LRRC36: variants seen among roughly 807,000 people sequenced by gnomAD.
LRRC36 encodes leucine-rich repeat-containing protein 36.
In LRRC36, 62 loss-of-function variants were observed where a neutral mutation model predicts 81.1. The observed-to-expected ratio is 0.76, with a 90% CI of 0.62 to 0.94. The LOEUF (loss-of-function observed/expected upper bound fraction) is 0.94. Ranked by LOEUF, LRRC36 falls within the 40% of genes least tolerant of loss-of-function variation. The pLI is 0.00. For missense variants in LRRC36, 761 were observed against 881.7 expected, an observed-to-expected ratio of 0.86 and a Z score of 1.73; for synonymous variants, 334 against 348.6, an observed-to-expected ratio of 0.96 and a Z score of 0.47.
chr16:67,334,336 A>G (rs1297180151), intron 1 of LRRC36, among the ~76,000 whole-genome samples: 2 of 115,248 alleles, frequency 1.7e-5, no homozygotes, highest in African/African-American at 6.8e-5. Flanking sequence ...ATTATTTTTT[A>G]TTTTTTGAGG....
At chr16:67,367,517 G>C (rs915905362) in intron 8 of LRRC36, 60 bp downstream of exon 8, 3 of 1,477,896 alleles carry the variant, frequency 2.0e-6, no homozygotes, top group Non-Finnish European at 2.7e-6. Context: ...GAAGATATAA[G>C]TGAAAATTTT....
At chr16:67,375,890 G>C (rs1482633572) in intron 10 of LRRC36, among the ~76,000 whole-genome samples, 1 of 152,162 alleles carries the variant, frequency 6.6e-6, no homozygotes, top group South Asian at 2.1e-4. Context: ...GGAGAAAACA[G>C]TTTTGCAAAT....
intron 1 of LRRC36, among the ~76,000 whole-genome samples, chr16:67,330,846 AAGACTG>A (rs1425425688): frequency 7.9e-5 from 12 of 151,936 alleles, no homozygotes; most frequent in Admixed American, 7.9e-4. Flanking sequence ...GCCTGGACGA[AAGACTG>A]AGACTCAGTC....
At chr16:67,352,840 GCTA>G (rs1300502287) in intron 5 of LRRC36, among the ~76,000 whole-genome samples, 1 of 151,654 alleles carries the variant, frequency 6.6e-6, no homozygotes, top group Non-Finnish European at 1.5e-5. Flanking sequence ...ACCATGCACA[GCTA>G]AGTTTTGTAT....
chr16:67,364,835 CT>C (rs1277672565), intron 6 of LRRC36, among the ~76,000 whole-genome samples: 1 of 152,128 alleles, frequency 6.6e-6, no homozygotes, highest in Non-Finnish European at 1.5e-5. Flanking sequence ...ACACTGAATA[CT>C]TTAAGATAAT....
At chr16:67,347,688 C>T in intron 4 of LRRC36, 97 bp downstream of exon 4, 1 of 845,004 alleles carries the variant, frequency 1.2e-6, no homozygotes, top group South Asian at 1.6e-5. Context: ...CAGAAATTTC[C>T]CACAAATTGT....
rs1040403506 is a variant in LRRC36 at position 67,365,790 on chromosome 16, C to A, written c.754+435C>A. On this transcript the variant is annotated intron_variant, in intron 7 of 13. Coordinates refer to ENST00000329956, the MANE Select transcript of LRRC36 (RefSeq NM_018296.6). ...TGGATAATTCAAAAACCGTACAGTA[C>A]TTTATTTCATTTACTCTTTCCTGAC... 3.3e-5 allele frequency among the ~76,000 whole-genome samples: 5 copies of A among 152,092 alleles called. No homozygotes were observed. In the South Asian group the frequency reaches 1.0e-3, roughly 32 times the overall value.
rs539694299 is a variant in LRRC36 at position 67,337,952 on chromosome 16, C to T, written c.71-4005C>T. 3.9e-5 allele frequency among the ~76,000 whole-genome samples: 6 copies of T among 151,990 alleles called. No homozygotes were observed. The South Asian group carries it at 8.3e-4, about 21-fold the overall frequency. On this transcript the variant is annotated intron_variant, in intron 1 of 13. Transcript: ENST00000329956. Reference sequence around the variant, plus strand: ...AATACAAATTAGCTGGGTGTGGTGGCGTATGCCTGTAATCCCAGCTACTTG... The same window carrying T: ...AATACAAATTAGCTGGGTGTGGTGGTGTATGCCTGTAATCCCAGCTACTTG...
intron 5 of LRRC36, among the ~76,000 whole-genome samples, chr16:67,357,956 G>C (rs2038974372): frequency 6.6e-6 from 1 of 152,112 alleles, no homozygotes; most frequent in Non-Finnish European, 1.5e-5. Context: ...CTGTCGCATT[G>C]ATTATATGGA....
intron 6 of LRRC36, 197 bp from the exon 7 acceptor site, chr16:67,365,107 A>G (rs975000003): frequency 3.8e-6 from 2 of 524,528 alleles, no homozygotes; most frequent in Non-Finnish European, 3.4e-6. Context: ...AGGATATTCA[A>G]GCAACTCTGG....
intron 5 of LRRC36, among the ~76,000 whole-genome samples, chr16:67,362,820 C>CAG (rs1385447600): frequency 3.9e-5 from 6 of 151,998 alleles, no homozygotes; most frequent in Non-Finnish European, 1.5e-5. Flanking sequence ...CTGTGTCGCC[C>CAG]AGGCTGGAGT....
intron 5 of LRRC36, among the ~76,000 whole-genome samples, chr16:67,354,338 C>T (rs1384307825): frequency 6.6e-6 from 1 of 152,042 alleles, no homozygotes; most frequent in Non-Finnish European, 1.5e-5. Flanking sequence ...AGTGCAGTGG[C>T]GTCATCTCGG....
At chr16:67,337,851 C>T (rs1469820715) in intron 1 of LRRC36, among the ~76,000 whole-genome samples, 1 of 151,878 alleles carries the variant, frequency 6.6e-6, no homozygotes, top group Non-Finnish European at 1.5e-5. Context: ...TTTGGAACGC[C>T]GAGGCAGGCG....
At chr16:67,331,620 T>C (rs1373838595) in intron 1 of LRRC36, among the ~76,000 whole-genome samples, 1 of 152,218 alleles carries the variant, frequency 6.6e-6, no homozygotes, top group African/African-American at 2.4e-5. Flanking sequence ...ATAGTTCTTA[T>C]CATAATTGAT....
chr16:67,358,365 C>T (rs545255141), intron 5 of LRRC36, among the ~76,000 whole-genome samples: 5 of 152,112 alleles, frequency 3.3e-5, no homozygotes, highest in Non-Finnish European at 7.4e-5. Flanking sequence ...TTTTTAAAAA[C>T]CGGAATGTAG....
intron 13 of LRRC36, among the ~76,000 whole-genome samples, chr16:67,383,059 G>A (rs867973345): frequency 6.2e-5 from 8 of 130,052 alleles, no homozygotes; most frequent in Non-Finnish European, 9.3e-5. Context: ...TCAACAGAGC[G>A]AGGCTCCGTC....
intron 1 of LRRC36, among the ~76,000 whole-genome samples, chr16:67,327,345 T>G (rs989075053): frequency 2.0e-5 from 3 of 151,708 alleles, no homozygotes; most frequent in African/African-American, 7.3e-5. Flanking sequence ...ATACAAAAAT[T>G]AGCCCGGCGT....
intron 9 of LRRC36, among the ~76,000 whole-genome samples, chr16:67,374,051 C>T (rs1370005601): frequency 6.6e-6 from 1 of 151,844 alleles, no homozygotes; most frequent in Non-Finnish European, 1.5e-5. Context: ...ATAGAATTAG[C>T]CAGGCACGGT....
chr16:67,353,761 G>T (rs771124004), intron 5 of LRRC36, among the ~76,000 whole-genome samples: 3 of 152,148 alleles, frequency 2.0e-5, no homozygotes, highest in Non-Finnish European at 4.4e-5. Flanking sequence ...GGTTCTACAG[G>T]TGAGGAAACT....
Sources: gnomAD v4.1 joint callset for allele counts (sites outside exome capture counted in the v4.1 genomes callset) on GRCh38, gnomAD v4.1.1 for gene constraint, MANE v1.5 for transcripts, NCBI Gene and HGNC (gene_info 2026-07-23, HGNC 2026-07-21) for gene names.